DLG1: variants seen among roughly 807,000 people sequenced by gnomAD.
DLG1 encodes disks large homolog 1.
A neutral mutation model predicts 123.4 loss-of-function variants in DLG1; 42 were observed. The ratio of observed to expected loss-of-function variants is 0.34; its 90% CI spans 0.27 to 0.44. The LOEUF (loss-of-function observed/expected upper bound fraction) is 0.44, where lower values mean the gene tolerates loss of function less well. Among genes scored for constraint, DLG1 ranks in the 20% least tolerant of loss-of-function variants. DLG1 has a pLI of 1.00. For missense variants in DLG1, 942 were observed against 1,082.6 expected (o/e 0.87, Z 1.82); for synonymous variants, 317 against 356.2 (o/e 0.89, Z 1.24).
At chr3:197,262,670 A>T (rs1349332324) in intron 4 of DLG1, among the ~76,000 whole-genome samples, 2 of 152,172 alleles carry the variant, frequency 1.3e-5, no homozygotes, top group East Asian at 3.9e-4. Context: ...CTCCAAGTAG[A>T]CACTGCCAGA....
At chr3:197,118,635 C>A (rs1359655304) in intron 12 of DLG1, among the ~76,000 whole-genome samples, 4 of 152,078 alleles carry the variant, frequency 2.6e-5, no homozygotes, top group African/African-American at 4.8e-5. Flanking sequence ...AAGACGTGTA[C>A]AAATTACAAA....
chr3:197,174,658 T>C (rs1806060232), intron 5 of DLG1, among the ~76,000 whole-genome samples: 1 of 152,070 alleles, frequency 6.6e-6, no homozygotes, highest in Non-Finnish European at 1.5e-5. Context: ...TTCCAACTGA[T>C]TTCTTTCCAA....
At chr3:197,190,464 T>C (rs532304498) in intron 5 of DLG1, among the ~76,000 whole-genome samples, 7 of 152,320 alleles carry the variant, frequency 4.6e-5, no homozygotes, top group Non-Finnish European at 7.4e-5. Flanking sequence ...TTATGTTTGA[T>C]TGCATTTGTT....
At chr3:197,092,602 G>A (rs1758363249) in intron 14 of DLG1, among the ~76,000 whole-genome samples, 1 of 152,114 alleles carries the variant, frequency 6.6e-6, no homozygotes, top group African/African-American at 2.4e-5. Flanking sequence ...CTGGGCTCAA[G>A]CAATCCTGCC....
At chr3:197,090,718 T>C (rs1308569589) in intron 15 of DLG1, among the ~76,000 whole-genome samples, 194 bp downstream of exon 15, 1 of 152,106 alleles carries the variant, frequency 6.6e-6, no homozygotes, top group African/African-American at 2.4e-5. Context: ...TAACTTTCAT[T>C]AATAAAATTA....
chr3:197,192,508 A>ACGCTTC, intron 5 of DLG1, among the ~76,000 whole-genome samples: 1 of 152,148 alleles, frequency 6.6e-6, no homozygotes, highest in South Asian at 2.1e-4. Context: ...GGAAGAAAAG[A>ACGCTTC]TAGAAGAACT....
At chr3:197,203,103 A>T (rs528393034) in intron 4 of DLG1, among the ~76,000 whole-genome samples, 1 of 152,152 alleles carries the variant, frequency 6.6e-6, no homozygotes, top group Non-Finnish European at 1.5e-5. Flanking sequence ...CTCTACAAAA[A>T]ATTTTAAAAA....
intron 13 of DLG1, among the ~76,000 whole-genome samples, chr3:197,112,745 T>C (rs185812123): frequency 1.4e-4 from 21 of 152,058 alleles, no homozygotes; most frequent in African/African-American, 4.3e-4. Context: ...TGCCCACTAC[T>C]ATGTCTGGCT....
chr3:197,079,890 G>C (rs1415248395), intron 17 of DLG1, among the ~76,000 whole-genome samples: 2 of 151,990 alleles, frequency 1.3e-5, no homozygotes, highest in Admixed American at 6.6e-5. Context: ...AAAGCTTTAA[G>C]TCTGAGTGCT....
chr3:197,162,462 C>T (rs1799186058), intron 5 of DLG1, among the ~76,000 whole-genome samples: 1 of 151,984 alleles, frequency 6.6e-6, no homozygotes. Context: ...TAAAATCAAG[C>T]AGATGAGGAC....
intron 11 of DLG1, among the ~76,000 whole-genome samples, chr3:197,127,773 G>A (rs1488959427): frequency 6.6e-6 from 1 of 151,776 alleles, no homozygotes; most frequent in Non-Finnish European, 1.5e-5. Flanking sequence ...GCAATAAAGC[G>A]AATATTGCAA....
chr3:197,143,099 T>C (rs1435074571), intron 6 of DLG1, among the ~76,000 whole-genome samples: 1 of 152,182 alleles, frequency 6.6e-6, no homozygotes, highest in Non-Finnish European at 1.5e-5. Flanking sequence ...CCTTAATTTT[T>C]TGGAAAATCA....
intron 5 of DLG1, among the ~76,000 whole-genome samples, chr3:197,169,787 T>C (rs1803213688): frequency 6.6e-6 from 1 of 152,154 alleles, no homozygotes; most frequent in South Asian, 2.1e-4. Flanking sequence ...AGTTCAGGGG[T>C]ACATGTGCAA....
intron 4 of DLG1, among the ~76,000 whole-genome samples, chr3:197,218,922 G>C (rs1015552278): frequency 6.6e-6 from 1 of 152,042 alleles, no homozygotes; most frequent in Non-Finnish European, 1.5e-5. Flanking sequence ...ACCTGAGGTC[G>C]GGAATTCAAG....
At chr3:197,235,701 A>T (rs1431826056) in intron 4 of DLG1, among the ~76,000 whole-genome samples, 2 of 152,394 alleles carry the variant, frequency 1.3e-5, no homozygotes, top group African/African-American at 4.8e-5. Context: ...AGAAAACAGT[A>T]CTTAGGAACA....
intron 4 of DLG1, among the ~76,000 whole-genome samples, chr3:197,221,667 A>G (rs557701288): frequency 2.6e-5 from 4 of 152,370 alleles, no homozygotes; most frequent in South Asian, 2.1e-4. Flanking sequence ...TATCTCAGCT[A>G]AACAGACACA....
chr3:197,173,967 C>T (rs1259329120), intron 5 of DLG1, among the ~76,000 whole-genome samples: 1 of 152,174 alleles, frequency 6.6e-6, no homozygotes, highest in African/African-American at 2.4e-5. Flanking sequence ...TCTGTAATCC[C>T]AGCTACTTAG....
rs757649964 is a variant in DLG1 at position 197,051,673 on chromosome 3, G to A, written c.2484-5C>T. 1.2e-5 allele frequency: 20 copies of A among 1,603,090 alleles called. No individual in the cohort carries two copies. Among genetic ancestry groups the A allele is most frequent in the East Asian group, 2.2e-5 (1 of 44,766 alleles). On this transcript the variant is annotated splice_region_variant and splice_polypyrimidine_tract_variant and intron_variant, in intron 23 of 24. Transcript: ENST00000667157. ...GTTAGACGCTTATTCATTTCCCTAC[G>A]AAAATAAATGTAGAAATTGATAATT... is the stretch of plus-strand genomic sequence containing the variant.
rs575310307 is a variant in DLG1 at position 197,161,558 on chromosome 3, TCAAA to T, written c.484-11766_484-11763del. ...AAATTACCAAATTACAAAAAACAGC[TCAAA>T]CAGTTTTAAAAAAGAACACAAATGA... On this transcript the variant is annotated intron_variant, in intron 5 of 24. Coordinates refer to ENST00000667157, the MANE Select transcript of DLG1 (RefSeq NM_001366207.1). 5.1e-4 allele frequency: 430 copies of T among 844,988 alleles called. 1 individual carries two copies. The highest frequency in any genetic ancestry group is 2.8e-3 in the East Asian group (89 of 31,236). 52.3% of individuals were successfully genotyped at this position (844,988 alleles called of 1,614,324 possible). A position where few individuals can be genotyped will look rare whatever the true frequency, so the allele number is the denominator to read the frequency against.
Sources: gnomAD v4.1 joint callset for allele counts (sites outside exome capture counted in the v4.1 genomes callset) on GRCh38, gnomAD v4.1.1 for gene constraint, MANE v1.5 for transcripts, NCBI Gene and HGNC (gene_info 2026-07-23, HGNC 2026-07-21) for gene names.